Variants in SHD observed in about 807,000 individuals in gnomAD.
SHD encodes Src homology 2 domain containing transforming protein D, also known as SH2 domain-containing adapter protein D.
In SHD, 29 loss-of-function variants were observed where a neutral mutation model predicts 31.2. The observed-to-expected ratio is 0.93, with a 90% CI of 0.69 to 1.27. The LOEUF is 1.27. Ranked by LOEUF, SHD falls within the 50% of genes most tolerant of loss-of-function variation. SHD has a pLI of 0.00. For missense variants in SHD, 520 were observed against 453.8 expected, an observed-to-expected ratio of 1.15 and a Z score of -1.33; for synonymous variants, 208 against 187.8, an observed-to-expected ratio of 1.11 and a Z score of -0.88.
chr19:4,285,500 C>T (rs976119340), intron 4 of SHD, among the ~76,000 whole-genome samples: 1 of 152,092 alleles, frequency 6.6e-6, no homozygotes, highest in Non-Finnish European at 1.5e-5. Flanking sequence ...ACAGAACTGG[C>T]TATTTAACTC....
At chr19:4,287,211 A>G (rs996658977) in intron 4 of SHD, among the ~76,000 whole-genome samples, 6 of 152,088 alleles carry the variant, frequency 3.9e-5, no homozygotes, top group Non-Finnish European at 8.8e-5. Flanking sequence ...GGGTGCCTGT[A>G]GTCCCAGCTA....
Position 4,279,970 on chromosome 19 carries a change from C to G in SHD, c.-94C>G. ...CATCCTTCCCTGCTCTTCCCTTCCT[C>G]TCCACCTCCTCCTCCTCCTTGGGGA... On this transcript the variant is annotated 5_prime_UTR_variant, in exon 1 of 6. Transcript: ENST00000543264. This position sits in a 1 kb window ranked among gnomAD's most constrained non-coding sequence, Gnocchi z 7.5. 1 of 1,407,704 alleles carries G rather than the reference C, an allele frequency of 7.1e-7. No homozygotes were observed. The highest frequency in any genetic ancestry group is 2.7e-5 in the Admixed American group (1 of 36,404). 87.2% of individuals were successfully genotyped at this position (1,407,704 alleles called of 1,614,324 possible).
intron 5 of SHD, among the ~76,000 whole-genome samples, chr19:4,288,696 A>G (rs192556183): frequency 6.6e-6 from 1 of 152,300 alleles, no homozygotes; most frequent in East Asian, 1.9e-4. Flanking sequence ...ATTTGTGTCC[A>G]TCTGAAGCCA....
intron 4 of SHD, 181 bp from the exon 5 acceptor site, chr19:4,288,062 C>G (rs150093752): frequency 7.1e-6 from 4 of 562,482 alleles, no homozygotes; most frequent in Admixed American, 7.9e-5. Flanking sequence ...CCACCACGCC[C>G]GGCTAATTTT....
At chr19:4,286,258 T>C (rs1568369399) in intron 4 of SHD, among the ~76,000 whole-genome samples, 5 of 93,470 alleles carry the variant, frequency 5.3e-5, no homozygotes, top group Admixed American at 2.4e-4. Context: ...TTTCTTTCTT[T>C]CTCTCTTTCT....
Position 4,280,192 on chromosome 19 carries a change from G to A in SHD, c.129G>A (p.Glu43=), listed in dbSNP as rs1647284280. The A allele has an allele frequency of 2.5e-6, 4 of 1,613,790 alleles. No individual in the cohort carries two copies. Among genetic ancestry groups the A allele is most frequent in the Non-Finnish European group, 3.4e-6 (4 of 1,179,992 alleles). ...GCGCGCAGAAGAACCTGGACTTCGA[G>A]GACCCCTATGAGGACGCGGAGAGCC... ...AYRAQKNLDF[E]DPYEDAESRL... The change falls in exon 1 of 6, where the codon GAG becomes GAA. Residue 43 remains glutamate (E), a synonymous_variant. Coordinates refer to ENST00000543264, the MANE Select transcript of SHD (RefSeq NM_020209.4).
At chr19:4,286,255 CTT>C (rs1486181992) in intron 4 of SHD, among the ~76,000 whole-genome samples, 4 of 108,434 alleles carry the variant, frequency 3.7e-5, no homozygotes, top group Non-Finnish European at 5.8e-5. Flanking sequence ...TTCTTTCTTT[CTT>C]TCTCTCTTTC....
At chr19:4,286,245 TTCTTTC>T (rs1971312024) in intron 4 of SHD, among the ~76,000 whole-genome samples, 1 of 117,226 alleles carries the variant, frequency 8.5e-6, no homozygotes, top group African/African-American at 3.2e-5. Flanking sequence ...CTTTCTTTCT[TTCTTTC>T]TTTCTTTCTC....
At chr19:4,288,987 T>G (rs1020988171) in intron 5 of SHD, among the ~76,000 whole-genome samples, 1 of 151,950 alleles carries the variant, frequency 6.6e-6, no homozygotes, top group African/African-American at 2.4e-5. Context: ...AATACAAATA[T>G]TAGTTGGGCA....
rs1392793864 is a variant in SHD, at chr19:4,280,354, G to A, written c.291G>A (p.Gly97=). ...ARAKALLGGP[G]EELEADTEYL... Reference sequence around the variant, plus strand: ...CCAAGGCCCTTCTGGGCGGCCCCGGGGAGGAGGTGCGTGGCTGGGTGGCCT... The same window carrying A: ...CCAAGGCCCTTCTGGGCGGCCCCGGAGAGGAGGTGCGTGGCTGGGTGGCCT... The change falls in exon 1 of 6, where the codon GGG becomes GGA. Residue 97 remains glycine (G), a synonymous_variant. Transcript: ENST00000543264. 18 of 1,566,238 alleles carry A rather than the reference G, an allele frequency of 1.1e-5. No individual in the cohort carries two copies. The East Asian group carries it at 4.3e-4, about 37-fold the overall frequency.
In SHD at chr19:4,282,989, G is replaced by A; in HGVS notation, c.403+14G>A. 1 of 1,614,098 alleles carries A rather than the reference G, an allele frequency of 6.2e-7. No homozygotes were observed. Among genetic ancestry groups the A allele is most frequent in the Non-Finnish European group, 8.5e-7 (1 of 1,180,000 alleles). ...GGGTCATGAGTGGTGAGTAGGCACGGCTTGGGGGAAGGTGACAGGGTCCCA... is the reference window on the plus strand; with the variant it reads ...GGGTCATGAGTGGTGAGTAGGCACGACTTGGGGGAAGGTGACAGGGTCCCA... On this transcript the variant is annotated intron_variant, in intron 2 of 5. Coordinates refer to ENST00000543264, the MANE Select transcript of SHD (RefSeq NM_020209.4).
rs116669975 is a variant in SHD at position 4,279,684 on chromosome 19, G to A, written c.-380G>A. 0.018 allele frequency: 3,284 copies of A among 179,574 alleles called. 49 individuals are homozygous for A. Among genetic ancestry groups the A allele is most frequent in the African/African-American group, 0.039 (1,646 of 42,566 alleles). 11.1% of individuals were successfully genotyped at this position (179,574 alleles called of 1,614,324 possible). ...AGGGATCCCGGAGCTTCCTGGAGGC[G>A]GCGGGCGGCCGTGTCGCTCCAGGGA... On this transcript the variant is annotated 5_prime_UTR_variant, in exon 1 of 6. Transcript: ENST00000543264. This position sits in a 1 kb window ranked among gnomAD's most constrained non-coding sequence, Gnocchi z 7.5.
chr19:4,280,622 G>C (rs1417349344), intron 1 of SHD, among the ~76,000 whole-genome samples: 1 of 151,990 alleles, frequency 6.6e-6, no homozygotes, highest in East Asian at 1.9e-4. Flanking sequence ...CACCTCCTGG[G>C]GTTCAAGCGA....
chr19:4,287,722 T>C (rs1971334782), intron 4 of SHD, among the ~76,000 whole-genome samples: 1 of 151,110 alleles, frequency 6.6e-6, no homozygotes, highest in Admixed American at 6.6e-5. Flanking sequence ...GAGGCGGAGG[T>C]TGTGGTGAGC....
intron 4 of SHD, among the ~76,000 whole-genome samples, chr19:4,286,282 T>TCC (rs1568369470): frequency 0.045 from 4,740 of 104,600 alleles, 300 homozygotes; most frequent in African/African-American, 0.11. Context: ...TTTCTTTCTT[T>TCC]TTTTCTTTCC....
At chr19:4,282,629 T>C (rs1971267615) in intron 1 of SHD, among the ~76,000 whole-genome samples, 1 of 151,598 alleles carries the variant, frequency 6.6e-6, no homozygotes, top group South Asian at 2.1e-4. Flanking sequence ...GGCAGGAGAA[T>C]GACGTGAACC....
chr19:4,280,200 A>T lies in SHD; in HGVS notation c.137A>T (p.Tyr46Phe). The T allele has an allele frequency of 6.2e-7, 1 of 1,613,382 alleles. No individual in the cohort carries two copies. Among genetic ancestry groups the T allele is most frequent in the Non-Finnish European group, 8.5e-7 (1 of 1,179,842 alleles). The change falls in exon 1 of 6, where the codon TAT becomes TTT. Residue 46 changes from tyrosine (Y) to phenylalanine (F), a missense_variant. Coordinates refer to ENST00000543264, the MANE Select transcript of SHD (RefSeq NM_020209.4). ...AAGAACCTGGACTTCGAGGACCCCT[A>T]TGAGGACGCGGAGAGCCGCTTGGAG... ...AQKNLDFEDP[Y>F]EDAESRLEPD...
chr19:4,281,750 C>A (rs1373840112), intron 1 of SHD, among the ~76,000 whole-genome samples: 3 of 152,092 alleles, frequency 2.0e-5, no homozygotes, highest in Non-Finnish European at 4.4e-5. Flanking sequence ...AAGAGCGAGA[C>A]TCTGTCTCAA....
chr19:4,289,054 T>C (rs1383475727), intron 5 of SHD, among the ~76,000 whole-genome samples: 1 of 151,532 alleles, frequency 6.6e-6, no homozygotes, highest in African/African-American at 2.4e-5. Flanking sequence ...GAGAATTGCT[T>C]GAACCTGGGA....
Sources: gnomAD v4.1 joint callset for allele counts (sites outside exome capture counted in the v4.1 genomes callset) on GRCh38, gnomAD v4.1.1 for gene constraint, Gnocchi (gnomAD v3.1) non-coding constraint, MANE v1.5 for transcripts, NCBI Gene and HGNC (gene_info 2026-07-23, HGNC 2026-07-21) for gene names.